The following MYMK variants were observed in gnomAD, a reference collection of about 807,000 sequenced individuals.
The protein encoded by MYMK is myomaker, myoblast fusion factor.
MYMK carries 16 observed loss-of-function variants against 22.4 expected under a neutral mutation model. The observed-to-expected ratio is 0.72, with a 90% CI of 0.48 to 1.09. The LOEUF is 1.09. MYMK is among the 50% of genes least tolerant of loss of function. The probability of loss-of-function intolerance (pLI) is 0.00; values close to 1 mark genes in which losing one functional copy is unlikely to be tolerated. For missense variants in MYMK, 250 were observed against 295.6 expected (o/e 0.85, Z 1.13); for synonymous variants, 125 against 127.0 (o/e 0.98, Z 0.11).
chr9:133,514,743 G>A lies in MYMK; in HGVS notation c.559C>T (p.Leu187=). The A allele has an allele frequency of 6.2e-7, 1 of 1,614,068 alleles. No homozygotes were observed. Among genetic ancestry groups the A allele is most frequent in the Non-Finnish European group, 8.5e-7 (1 of 1,179,928 alleles). The change falls in exon 5 of 5, where the codon CTG becomes TTG. Residue 187 remains leucine, a synonymous_variant. Transcript: ENST00000339996. The stretch of plus-strand genomic sequence containing the variant: ...AGCAGCAGAACAAAGGACATAGCCA[G>A]GGCACAGTGGTAGAAGCTGTGGACA... The part of the protein sequence containing the change: ...TYVHSFYHCA[L]AMSFVLLLPK...
intron 1 of MYMK, among the ~76,000 whole-genome samples, chr9:133,523,935 A>C (rs1329745302): frequency 6.6e-6 from 1 of 152,156 alleles, no homozygotes; most frequent in Admixed American, 6.5e-5. Context: ...ACAGAGTGAA[A>C]GAGACCCAGA....
At chr9:133,516,711 G>A (rs749115220) in intron 3 of MYMK, among the ~76,000 whole-genome samples, 4 of 152,192 alleles carry the variant, frequency 2.6e-5, no homozygotes, top group Non-Finnish European at 4.4e-5. Context: ...CCCTGGGTGC[G>A]GTGGTCAAGG....
intron 2 of MYMK, among the ~76,000 whole-genome samples, chr9:133,519,866 A>G (rs1844677266): frequency 1.3e-5 from 2 of 152,210 alleles, no homozygotes; most frequent in African/African-American, 2.4e-5. Flanking sequence ...CCAGGGAAGG[A>G]GTGACGGGAG....
intron 1 of MYMK, among the ~76,000 whole-genome samples, chr9:133,524,358 G>A (rs1315688696): frequency 1.3e-5 from 2 of 152,200 alleles, no homozygotes; most frequent in Admixed American, 1.3e-4. Context: ...GAGGTGGGGA[G>A]GGGAGGTGGC....
rs992472778 is a variant in MYMK, at chr9:133,520,211, G to C, written c.213C>G (p.Val71=). 1 of 1,614,096 alleles carries C rather than the reference G, an allele frequency of 6.2e-7. No homozygotes were observed. Among genetic ancestry groups the C allele is most frequent in the Non-Finnish European group, 8.5e-7 (1 of 1,179,998 alleles). Residue 71 remains valine (V), a synonymous_variant, in exon 2 of 5, where the codon GTC becomes GTG. Coordinates refer to ENST00000339996, the MANE Select transcript of MYMK (RefSeq NM_001080483.3). ...MRHDILEYFS[V]YGTALSMWVS... is the part of the protein sequence containing the mutation. The stretch of plus-strand genomic sequence containing the variant: ...CCCACATGCTCAGGGCTGTCCCGTA[G>C]ACACTGAAATACTCCAGGATGTCGT...
intron 3 of MYMK, among the ~76,000 whole-genome samples, chr9:133,518,246 C>A (rs1488111865): frequency 6.6e-6 from 1 of 152,234 alleles, no homozygotes; most frequent in South Asian, 2.1e-4. Context: ...CTTGGTAGGA[C>A]GGAGAGAGCA....
intron 3 of MYMK, 63 bp downstream of exon 3, chr9:133,518,811 C>T: frequency 6.4e-7 from 1 of 1,559,768 alleles, no homozygotes; most frequent in East Asian, 2.3e-5. Context: ...CAGGAGGAGT[C>T]AGACAGGGGA....
chr9:133,521,704 G>A (rs1201827108), intron 1 of MYMK, among the ~76,000 whole-genome samples: 2 of 152,182 alleles, frequency 1.3e-5, no homozygotes, highest in Non-Finnish European at 2.9e-5. Context: ...GGACAGGGAA[G>A]CTTCAGGAGG....
Position 133,515,113 on chromosome 9 carries a change from T to G in MYMK, c.517-328A>C. ...TTCTCTCCTTATCCCTCTTCCCCTG[T>G]TCCTCCCTCCCTCCTCCACTTTCTC... On this transcript the variant is annotated intron_variant, in intron 4 of 4. Transcript: ENST00000339996. The surrounding 1 kb of genome is among the most constrained non-coding windows in gnomAD (Gnocchi z 5.8). Among the ~76,000 whole-genome samples, 1 of 150,028 alleles carries G rather than the reference T, an allele frequency of 6.7e-6. No homozygotes were observed. Among genetic ancestry groups the G allele is most frequent in the Non-Finnish European group, 1.5e-5 (1 of 67,386 alleles).
Position 133,514,920 on chromosome 9 carries a change from G to A in MYMK, c.517-135C>T, listed in dbSNP as rs1037883797. 207 of 973,860 alleles carry A rather than the reference G, an allele frequency of 2.1e-4. 3 individuals are homozygous for A. The Admixed American group carries it at 4.8e-3, about 23-fold the overall frequency. The allele number at this position is 973,860 out of a possible 1,614,324, so 60.3% of individuals were successfully genotyped here. A position where few individuals can be genotyped will look rare whatever the true frequency, so the allele number is the denominator to read the frequency against. On this transcript the variant is annotated intron_variant, in intron 4 of 4. Coordinates refer to ENST00000339996, the MANE Select transcript of MYMK (RefSeq NM_001080483.3). ...GACACCTGCAGGAAGCCTCCCCCAC[G>A]GTCGCGCTCACAGTGGTTTTTCTCT...
Position 133,524,771 on chromosome 9 carries a change from G to A in MYMK, c.74C>T (p.Ala25Val), listed in dbSNP as rs758327852. ...SLAFLPTVSI[A>V]AKRRFHMEAM... Reference sequence around the variant, plus strand: ...CTCCATGTGGAACCGCCTCTTGGCCGCGATGCTGACAGTGGGGAGGAAGGC... The same window carrying A: ...CTCCATGTGGAACCGCCTCTTGGCCACGATGCTGACAGTGGGGAGGAAGGC... The change falls in exon 1 of 5, where the codon GCG becomes GTG. Residue 25 changes from alanine (A) to valine (V), a missense_variant. Physicochemically the swap from Ala to Val is moderately conservative, Grantham distance 64. Transcript: ENST00000339996. 8.1e-6 allele frequency: 13 copies of A among 1,614,044 alleles called. No individual in the cohort carries two copies. The highest frequency in any genetic ancestry group is 3.3e-5 in the South Asian group (3 of 91,088).
intron 1 of MYMK, among the ~76,000 whole-genome samples, chr9:133,522,534 A>C (rs1313529799): frequency 6.6e-6 from 1 of 152,144 alleles, no homozygotes; most frequent in African/African-American, 2.4e-5. Flanking sequence ...GACGTTTGTC[A>C]CAAGAGGCAG....
intron 3 of MYMK, among the ~76,000 whole-genome samples, chr9:133,516,999 C>A (rs570164757): frequency 5.3e-5 from 8 of 152,162 alleles, no homozygotes; most frequent in African/African-American, 1.9e-4. Context: ...GCCCCAGATG[C>A]GGGGAGGCGG....
intron 1 of MYMK, among the ~76,000 whole-genome samples, chr9:133,522,150 C>T (rs949564754): frequency 1.3e-5 from 2 of 152,278 alleles, no homozygotes; most frequent in African/African-American, 2.4e-5. Context: ...GCAGCACTGC[C>T]TGCCCAAAGA....
At chr9:133,522,187 T>G (rs904916056) in intron 1 of MYMK, among the ~76,000 whole-genome samples, 15 of 152,372 alleles carry the variant, frequency 9.8e-5, no homozygotes, top group African/African-American at 3.1e-4. Context: ...GCTTGGCACC[T>G]GGCCACTTCC....
rs369627063 is a variant in MYMK, at chr9:133,521,224, T to C, written c.136-936A>G. Among the ~76,000 whole-genome samples the C allele has an allele frequency of 1.2e-4, 19 of 152,360 alleles. No homozygotes were observed. In the East Asian group the frequency reaches 3.5e-3, roughly 28 times the overall value. ...TACGGAAAACAACTCTCTCTCCTTT[T>C]GCATTCGCATTTCATCATTTTAGGT... is the stretch of plus-strand genomic sequence containing the variant. On this transcript the variant is annotated intron_variant, in intron 1 of 4. Coordinates refer to ENST00000339996, the MANE Select transcript of MYMK (RefSeq NM_001080483.3).
At chr9:133,520,112 G>T in intron 2 of MYMK, 62 bp downstream of exon 2, 1 of 1,319,106 alleles carries the variant, frequency 7.6e-7, no homozygotes, top group Admixed American at 1.7e-5. Flanking sequence ...GAGGCTGGGT[G>T]TGCGGACACT....
At chr9:133,520,328 C>T (rs1411422220) in intron 1 of MYMK, 40 bp from the exon 2 acceptor site, 1 of 1,568,910 alleles carries the variant, frequency 6.4e-7, no homozygotes, top group Non-Finnish European at 8.8e-7. Flanking sequence ...ACAAAGAGGC[C>T]AGAGCTGGTC....
intron 3 of MYMK, among the ~76,000 whole-genome samples, chr9:133,518,029 G>A (rs541053915): frequency 6.6e-6 from 1 of 152,374 alleles, no homozygotes; most frequent in African/African-American, 2.4e-5. Flanking sequence ...GCAGCACAGG[G>A]ATGTTCAGGC....
Sources: allele counts gnomAD v4.1 joint callset (sites outside exome capture counted in the v4.1 genomes callset), GRCh38; gene constraint gnomAD v4.1.1; non-coding constraint Gnocchi (gnomAD v3.1); transcripts MANE v1.5; gene names NCBI Gene and HGNC (gene_info 2026-07-23, HGNC 2026-07-21).